Variants in KLRG1 observed in about 807,000 individuals in gnomAD.
KLRG1 encodes the protein killer cell lectin like receptor G1.
KLRG1 carries 16 observed loss-of-function variants against 21.8 expected under a neutral mutation model. The ratio of observed to expected loss-of-function variants is 0.73; its 90% CI spans 0.50 to 1.11. The LOEUF (loss-of-function observed/expected upper bound fraction) is 1.11, where lower values mean the gene tolerates loss of function less well. Ranked by LOEUF, KLRG1 falls within the 50% of genes most tolerant of loss-of-function variation. KLRG1 has a pLI of 0.00. For synonymous variants in KLRG1, 69 were observed against 75.9 expected, an observed-to-expected ratio of 0.91 and a Z score of 0.47; for missense variants, 173 against 218.3, an observed-to-expected ratio of 0.79 and a Z score of 1.31.
the KLRG1 span, among the ~76,000 whole-genome samples, chr12:9,173,297 T>C: frequency 2.0e-5 from 3 of 152,280 alleles, no homozygotes; most frequent in Admixed American, 2.0e-4. Flanking sequence ...GACAATGTAC[T>C]GCAATCTCTG....
the KLRG1 span, among the ~76,000 whole-genome samples, chr12:9,059,811 C>T: frequency 6.6e-6 from 1 of 151,908 alleles, no homozygotes; most frequent in South Asian, 2.1e-4. Context: ...TCCTGAGTAG[C>T]TGGGACCACA....
the KLRG1 span, chr12:9,148,760 A>G: frequency 4.0e-6 from 2 of 500,538 alleles, no homozygotes; most frequent in South Asian, 3.2e-5. Flanking sequence ...CAACCTTTGC[A>G]CCAAAATTAA....
chr12:8,967,498 G>GA (rs1946495828), intron 1 of KLRG1, among the ~76,000 whole-genome samples: 1 of 152,138 alleles, frequency 6.6e-6, no homozygotes, highest in Non-Finnish European at 1.5e-5. Context: ...GAGGCAGGAG[G>GA]ATCCTTTGAG....
chr12:9,028,177 G>T, the KLRG1 span: 4 of 612,088 alleles, frequency 6.5e-6, no homozygotes, highest in South Asian at 3.5e-5. Context: ...CTGAGACAGA[G>T]TCTGGCTCTT....
At chr12:8,981,327 T>G (rs771186074) in intron 1 of KLRG1, among the ~76,000 whole-genome samples, 21 of 152,238 alleles carry the variant, frequency 1.4e-4, no homozygotes, top group Admixed American at 2.0e-4. Context: ...TACTCTTCTT[T>G]TTTTAACCCT....
At chr12:9,151,620 A>G in the KLRG1 span, 1 of 1,613,764 alleles carries the variant, frequency 6.2e-7, no homozygotes, top group Non-Finnish European at 8.5e-7. Context: ...CACATAAATG[A>G]GGACATGGTT....
the KLRG1 span, chr12:9,154,984 A>G: frequency 1.2e-6 from 1 of 828,498 alleles, no homozygotes; most frequent in Non-Finnish European, 1.9e-6. Context: ...CCTAAAACTC[A>G]CTAACTCACA....
At chr12:8,985,399 ATACCAATTAGCAGACACC>A (rs1946827114), upstream of KLRG1, among the ~76,000 whole-genome samples, 1 of 152,220 alleles carries the variant, frequency 6.6e-6, no homozygotes, top group South Asian at 2.1e-4. Context: ...TGTTCCCCAC[ATACCAATTAGCAGACACC>A]AACTGGGTAT....
chr12:8,964,394 T>A (rs1206863032), intron 1 of KLRG1, among the ~76,000 whole-genome samples: 2 of 152,238 alleles, frequency 1.3e-5, no homozygotes, highest in Non-Finnish European at 2.9e-5. Context: ...CACTGTGGTC[T>A]GAGAGACAGT....
chr12:9,061,215 C>A, the KLRG1 span, among the ~76,000 whole-genome samples: 1 of 152,068 alleles, frequency 6.6e-6, no homozygotes, highest in Non-Finnish European at 1.5e-5. Flanking sequence ...TCCTGAGTAG[C>A]TGCCAGATAA....
At chr12:9,084,021 A>G in the KLRG1 span, among the ~76,000 whole-genome samples, 1 of 152,182 alleles carries the variant, frequency 6.6e-6, no homozygotes, top group East Asian at 1.9e-4. Context: ...GGAGAGTGGA[A>G]TAATATATTC....
At chr12:9,116,133 C>T in the KLRG1 span, 77 of 406,768 alleles carry the variant, frequency 1.9e-4, no homozygotes, top group East Asian at 3.4e-3. Flanking sequence ...CTCACTTTTA[C>T]CGTACAGCAG....
chr12:9,012,321 A>C (rs1279986369), downstream of KLRG1, among the ~76,000 whole-genome samples: 2 of 152,174 alleles, frequency 1.3e-5, no homozygotes, highest in African/African-American at 4.8e-5. Flanking sequence ...CAGAGTCCTA[A>C]GGTCCCTATT....
chr12:8,989,785 G>A, intron 1 of KLRG1, 68 bp downstream of exon 1: 1 of 873,164 alleles, frequency 1.1e-6, no homozygotes, highest in South Asian at 1.4e-5. Context: ...ATGGGGAGTA[G>A]AATAAGTTTA....
chr12:9,090,889 C>T, the KLRG1 span, among the ~76,000 whole-genome samples: 2 of 152,080 alleles, frequency 1.3e-5, no homozygotes, highest in East Asian at 1.9e-4. Flanking sequence ...GAATGAGCTA[C>T]GAAAAGTTAA....
the KLRG1 span, chr12:9,208,446 G>A: frequency 4.9e-6 from 4 of 819,236 alleles, no homozygotes; most frequent in Non-Finnish European, 8.2e-6. Flanking sequence ...GTACAAACAA[G>A]CCCCACCCCA....
At chr12:9,141,740 T>G in the KLRG1 span, among the ~76,000 whole-genome samples, 1 of 152,226 alleles carries the variant, frequency 6.6e-6, no homozygotes, top group African/African-American at 2.4e-5. Flanking sequence ...TCAATAGTCT[T>G]AAATACATGT....
the KLRG1 span, chr12:9,104,472 A>T: frequency 6.8e-7 from 1 of 1,461,274 alleles, no homozygotes; most frequent in Admixed American, 2.2e-5. Context: ...CATTTATCAC[A>T]TTTTTTAGTG....
At chr12:9,106,681 T>C in the KLRG1 span, 1 of 706,712 alleles carries the variant, frequency 1.4e-6, no homozygotes, top group Non-Finnish European at 2.3e-6. Flanking sequence ...ATAACCGGTG[T>C]GATTTTTGTG....
Sources: allele counts gnomAD v4.1 joint callset (sites outside exome capture counted in the v4.1 genomes callset), GRCh38; gene constraint gnomAD v4.1.1; transcripts MANE v1.5; gene names NCBI Gene and HGNC (gene_info 2026-07-23, HGNC 2026-07-21).